The following TMEM178B variants were observed in gnomAD, a reference collection of about 807,000 sequenced individuals.
TMEM178B encodes the protein transmembrane protein 178B.
In TMEM178B, 5 loss-of-function variants were observed where a neutral mutation model predicts 31.0. That is an observed-to-expected ratio of 0.16 (90% confidence interval 0.08 to 0.34). The LOEUF (loss-of-function observed/expected upper bound fraction) is 0.34. Ranked by LOEUF, TMEM178B falls within the 10% of genes least tolerant of loss-of-function variation. TMEM178B has a pLI of 1.00. For missense variants in TMEM178B, 275 were observed against 400.3 expected (o/e 0.69, Z 2.67); for synonymous variants, 164 against 164.0 (o/e 1.00, Z 0.00).
At chr7:141,098,620 T>C (rs1157524363) in intron 1 of TMEM178B, among the ~76,000 whole-genome samples, 1 of 152,182 alleles carries the variant, frequency 6.6e-6, no homozygotes, top group Non-Finnish European at 1.5e-5. Context: ...AAAATGGAGA[T>C]TATATTTGAA....
At chr7:141,376,043 T>A (rs1043072078) in intron 2 of TMEM178B, among the ~76,000 whole-genome samples, 2 of 152,234 alleles carry the variant, frequency 1.3e-5, no homozygotes, top group African/African-American at 2.4e-5. Flanking sequence ...GAAGCAAGTT[T>A]CTATTTTATA....
chr7:141,339,618 C>A (rs1483547737), intron 2 of TMEM178B, among the ~76,000 whole-genome samples: 1 of 152,162 alleles, frequency 6.6e-6, no homozygotes, highest in Non-Finnish European at 1.5e-5. Context: ...TGAGGACATT[C>A]ATGTGGTTCA....
downstream of TMEM178B, among the ~76,000 whole-genome samples, chr7:141,482,983 T>G (rs1197916452): frequency 5.3e-5 from 8 of 152,024 alleles, no homozygotes; most frequent in Admixed American, 3.9e-4. Flanking sequence ...CCTTAGTTAC[T>G]CAGTCTCCAG....
intron 2 of TMEM178B, among the ~76,000 whole-genome samples, chr7:141,398,714 G>C (rs936413894): frequency 6.6e-6 from 1 of 152,178 alleles, no homozygotes; most frequent in Non-Finnish European, 1.5e-5. Context: ...GCCACAGGGG[G>C]TACTGTGGGA....
rs1303701019 is a variant in TMEM178B at position 141,405,711 on chromosome 7, C to A, written c.497-31897C>A. Among the ~76,000 whole-genome samples, 7 of 152,296 alleles carry A rather than the reference C, an allele frequency of 4.6e-5. No individual in the cohort carries two copies. In the East Asian group the frequency reaches 1.2e-3, roughly 25 times the overall value. On this transcript the variant is annotated intron_variant, in intron 2 of 3. Transcript: ENST00000565468. ...GAGTGCCCAGGTGCACAAAAGTGATCCCCTGCCTTTCAGAGGGGAAAGGGT... is the reference window on the plus strand; with the variant it reads ...GAGTGCCCAGGTGCACAAAAGTGATACCCTGCCTTTCAGAGGGGAAAGGGT...
At chr7:141,483,628 TGA>T (rs954205784), downstream of TMEM178B, among the ~76,000 whole-genome samples, 1 of 152,210 alleles carries the variant, frequency 6.6e-6, no homozygotes, top group Non-Finnish European at 1.5e-5. Flanking sequence ...TTAGCAAATA[TGA>T]GAGTGCCTCG....
chr7:141,328,212 T>C (rs757003088), intron 2 of TMEM178B, among the ~76,000 whole-genome samples: 2 of 152,198 alleles, frequency 1.3e-5, no homozygotes, highest in Non-Finnish European at 2.9e-5. Flanking sequence ...ACAGACCCCG[T>C]TATTGTGACT....
chr7:141,112,761 A>G (rs1795254763), intron 1 of TMEM178B, among the ~76,000 whole-genome samples: 1 of 152,114 alleles, frequency 6.6e-6, no homozygotes, highest in African/African-American at 2.4e-5. Flanking sequence ...TTTTTATCAG[A>G]GAGAGGAGAA....
At chr7:141,468,006 TAAAAC>T (rs1363668867) in intron 3 of TMEM178B, among the ~76,000 whole-genome samples, 1 of 147,980 alleles carries the variant, frequency 6.8e-6, no homozygotes, top group Non-Finnish European at 1.5e-5. Flanking sequence ...AACAATAAAA[TAAAAC>T]AAAGTGTTGC....
At chr7:141,486,858 G>A in the TMEM178B span, among the ~76,000 whole-genome samples, 15 of 152,158 alleles carry the variant, frequency 9.9e-5, no homozygotes, top group South Asian at 1.0e-3. Context: ...ATCGTAATAC[G>A]TTATCTGGAA....
chr7:141,246,614 C>G (rs189974515), intron 2 of TMEM178B, among the ~76,000 whole-genome samples: 8 of 152,168 alleles, frequency 5.3e-5, no homozygotes, highest in Admixed American at 2.6e-4. Flanking sequence ...GGATCAAGAA[C>G]TGGATCATGT....
intron 2 of TMEM178B, among the ~76,000 whole-genome samples, chr7:141,326,862 A>G (rs546636263): frequency 2.0e-5 from 3 of 152,262 alleles, no homozygotes; most frequent in African/African-American, 7.2e-5. Flanking sequence ...GTGTTGTCCG[A>G]TATGGTAGCC....
At chr7:141,451,355 A>G (rs1429558972) in intron 3 of TMEM178B, among the ~76,000 whole-genome samples, 2 of 152,236 alleles carry the variant, frequency 1.3e-5, no homozygotes, top group South Asian at 2.1e-4. Context: ...CACTTAGTAC[A>G]TTTTTAATAC....
At chr7:141,278,306 G>A (rs956855548) in intron 2 of TMEM178B, among the ~76,000 whole-genome samples, 1 of 152,230 alleles carries the variant, frequency 6.6e-6, no homozygotes, top group Non-Finnish European at 1.5e-5. Context: ...GCAGGGCTGG[G>A]CACGGTGGCT....
intron 1 of TMEM178B, among the ~76,000 whole-genome samples, chr7:141,184,298 G>A (rs1796574057): frequency 6.6e-6 from 1 of 152,080 alleles, no homozygotes; most frequent in South Asian, 2.1e-4. Flanking sequence ...TTATTGTCTT[G>A]GATCAGGTTT....
rs111972472 is a variant in TMEM178B at position 141,219,538 on chromosome 7, A to G, written c.496+6834A>G. 9.1e-3 allele frequency among the ~76,000 whole-genome samples: 1,380 copies of G among 152,284 alleles called. 25 individuals carry two copies. Among genetic ancestry groups the G allele is most frequent in the African/African-American group, 0.031 (1,304 of 41,554 alleles). On this transcript the variant is annotated intron_variant, in intron 2 of 3. Coordinates refer to ENST00000565468, the MANE Select transcript of TMEM178B (RefSeq NM_001195278.2). ...CCCAGAACTAGAAAAACTTGGTAGC[A>G]AGAAGACTCAGCCAACAGCGTGTCA...
intron 2 of TMEM178B, among the ~76,000 whole-genome samples, chr7:141,305,212 A>C (rs1157353802): frequency 6.6e-6 from 1 of 152,248 alleles, no homozygotes; most frequent in Non-Finnish European, 1.5e-5. Flanking sequence ...GAGAAGGAGC[A>C]GTAAAAGCCA....
intron 2 of TMEM178B, among the ~76,000 whole-genome samples, chr7:141,284,788 T>C (rs1043612718): frequency 2.0e-5 from 3 of 152,128 alleles, no homozygotes; most frequent in African/African-American, 4.8e-5. Context: ...AGACCGACCA[T>C]TGGCCGTGAG....
intron 2 of TMEM178B, among the ~76,000 whole-genome samples, chr7:141,355,377 C>A (rs1799801664): frequency 1.3e-5 from 2 of 152,120 alleles, no homozygotes; most frequent in Non-Finnish European, 2.9e-5. Context: ...AGCATTGGGA[C>A]CCCTATGGAC....
Sources: gnomAD v4.1 joint callset for allele counts (sites outside exome capture counted in the v4.1 genomes callset) on GRCh38, gnomAD v4.1.1 for gene constraint, MANE v1.5 for transcripts, NCBI Gene and HGNC (gene_info 2026-07-23, HGNC 2026-07-21) for gene names.